The following PRKG2 variants were observed in gnomAD, a reference collection of about 807,000 sequenced individuals.
PRKG2 encodes protein kinase cGMP-dependent 2.
A neutral mutation model predicts 97.2 loss-of-function variants in PRKG2; 33 were observed. The ratio of observed to expected loss-of-function variants is 0.34; its 90% CI spans 0.26 to 0.45. The LOEUF is 0.45. Ranked by LOEUF, PRKG2 falls within the 20% of genes least tolerant of loss-of-function variation. The pLI is 1.00. For missense variants in PRKG2, 638 were observed against 900.0 expected (o/e 0.71, Z 3.73); for synonymous variants, 330 against 321.8 (o/e 1.03, Z -0.27).
In PRKG2 at chr4:81,094,257, C is replaced by T. The variant is rs563026821; in HGVS notation, c.2127-1805G>A. Among the ~76,000 whole-genome samples, 22 of 151,880 alleles carry T rather than the reference C, an allele frequency of 1.4e-4. 1 individual carries two copies. Among genetic ancestry groups the T allele is most frequent in the African/African-American group, 5.3e-4 (22 of 41,416 alleles). ...CATACAAGATACCAGAGCTCTGTAG[C>T]TATTTTTGGGAAAGATTATTTAATA... On this transcript the variant is annotated intron_variant, in intron 17 of 18. Transcript: ENST00000264399.
intron 2 of PRKG2, among the ~76,000 whole-genome samples, chr4:81,187,478 G>C (rs1578494145): frequency 6.6e-6 from 1 of 152,034 alleles, no homozygotes. Flanking sequence ...AGAATAATAA[G>C]AGCTATTTAT....
chr4:81,102,778 A>T (rs1178491281), intron 17 of PRKG2, among the ~76,000 whole-genome samples: 1 of 152,096 alleles, frequency 6.6e-6, no homozygotes, highest in African/African-American at 2.4e-5. Context: ...TGGCAGGTTG[A>T]TTTTTTGTTT....
Position 81,152,048 on chromosome 4 carries a change from C to G in PRKG2, c.997G>C (p.Val333Leu). 4 of 1,608,212 alleles carry G rather than the reference C, an allele frequency of 2.5e-6. No homozygotes were observed. The highest frequency in any genetic ancestry group is 2.6e-6 in the Non-Finnish European group (3 of 1,176,268). ...TCATGGCCTTCTGTGCTCTGTGTTA[C>G]TTTTACCTAAACAATGTTAAGCAAT... ...FFILAKGKVKVTQSTEGHDQP... is the reference protein window; with the variant it reads ...FFILAKGKVKLTQSTEGHDQP... The change falls in exon 8 of 19, where the codon GTA becomes CTA. Residue 333 changes from valine to leucine, a missense_variant. This residue lies in a region of PRKG2 where 332 missense variants were observed against 421.7 expected (regional missense o/e 0.79). Coordinates refer to ENST00000264399, the MANE Select transcript of PRKG2 (RefSeq NM_006259.3).
intron 14 of PRKG2, among the ~76,000 whole-genome samples, chr4:81,123,158 A>G (rs1745226032): frequency 6.6e-6 from 1 of 152,254 alleles, no homozygotes; most frequent in South Asian, 2.1e-4. Flanking sequence ...CCTGAGGAAC[A>G]TATATTAAAA....
In PRKG2 at chr4:81,112,109, CT is replaced by C. The variant is rs574656935; in HGVS notation, c.1777-1499del. Reference sequence around the variant, plus strand: ...ATCTTAATTTACCTTAAATAAACCCCTTAGAAATTTACCATTTTACTGATTG... The same window carrying C: ...ATCTTAATTTACCTTAAATAAACCCCTAGAAATTTACCATTTTACTGATTG... On this transcript the variant is annotated intron_variant, in intron 14 of 18. Coordinates refer to ENST00000264399, the MANE Select transcript of PRKG2 (RefSeq NM_006259.3). Among the ~76,000 whole-genome samples, 235 of 152,234 alleles carry C rather than the reference CT, an allele frequency of 1.5e-3. 2 individuals carry two copies. The highest frequency in any genetic ancestry group is 5.0e-3 in the African/African-American group (206 of 41,538).
At chr4:81,118,853 G>A (rs6847955) in intron 14 of PRKG2, among the ~76,000 whole-genome samples, 14,250 of 152,210 alleles carry the variant, frequency 0.094, 790 homozygotes, top group Middle Eastern at 0.2. Flanking sequence ...GGAGTGCAGT[G>A]GCATGATCTC....
intron 2 of PRKG2, among the ~76,000 whole-genome samples, chr4:81,195,917 G>T (rs563286840): frequency 6.6e-6 from 1 of 152,274 alleles, no homozygotes; most frequent in African/African-American, 2.4e-5. Flanking sequence ...GAAGCAAAAG[G>T]CTTGGTGAAT....
chr4:81,167,036 G>C, intron 6 of PRKG2, 125 bp downstream of exon 6: 1 of 668,754 alleles, frequency 1.5e-6, no homozygotes, highest in Non-Finnish European at 2.4e-6. Context: ...TTTCACCATA[G>C]AAAAAGGCTC....
At chr4:81,129,451 T>A (rs1745937763) in intron 14 of PRKG2, among the ~76,000 whole-genome samples, 1 of 152,148 alleles carries the variant, frequency 6.6e-6, no homozygotes, top group Non-Finnish European at 1.5e-5. Flanking sequence ...TCTCCCACTA[T>A]TATTGTGTAG....
intron 1 of PRKG2, among the ~76,000 whole-genome samples, chr4:81,210,548 A>C (rs1753915018): frequency 1.3e-5 from 2 of 152,166 alleles, no homozygotes; most frequent in Non-Finnish European, 2.9e-5. Flanking sequence ...GACACTGACA[A>C]CACCAAATGC....
intron 6 of PRKG2, among the ~76,000 whole-genome samples, chr4:81,163,037 G>A (rs2110074044): frequency 6.6e-6 from 1 of 152,210 alleles, no homozygotes; most frequent in Middle Eastern, 3.4e-3. Context: ...GCTTGAAAGG[G>A]GATACTGAGG....
At chr4:81,143,234 T>A (rs1049031550) in intron 10 of PRKG2, among the ~76,000 whole-genome samples, 1 of 152,200 alleles carries the variant, frequency 6.6e-6, no homozygotes, top group African/African-American at 2.4e-5. Context: ...ACTTAAAATG[T>A]ACCTCTTAGG....
At chr4:81,171,649 T>A in intron 4 of PRKG2, 42 bp downstream of exon 4, 1 of 1,485,064 alleles carries the variant, frequency 6.7e-7, no homozygotes, top group Non-Finnish European at 9.3e-7. Context: ...ATCTTTAACA[T>A]GCCACAACAA....
intron 6 of PRKG2, among the ~76,000 whole-genome samples, chr4:81,163,506 A>C (rs1749740467): frequency 6.6e-6 from 1 of 152,166 alleles, no homozygotes; most frequent in African/African-American, 2.4e-5. Flanking sequence ...TTTATACAAA[A>C]TTGAAACATT....
At chr4:81,155,189 A>AAAAAAAAAAAAAAG (rs1334427898) in intron 6 of PRKG2, among the ~76,000 whole-genome samples, 46 of 148,340 alleles carry the variant, frequency 3.1e-4, no homozygotes, top group African/African-American at 1.2e-3. Context: ...AAAAAAAAAA[A>AAAAAAAAAAAAAAG]AAGAAGAATG....
chr4:81,107,975 C>T (rs770380742), intron 15 of PRKG2, among the ~76,000 whole-genome samples: 2 of 151,876 alleles, frequency 1.3e-5, no homozygotes, highest in Non-Finnish European at 2.9e-5. Context: ...GAGAATGAGG[C>T]GGGAAGATTA....
intron 6 of PRKG2, among the ~76,000 whole-genome samples, chr4:81,160,299 T>C (rs1168941434): frequency 2.0e-5 from 3 of 152,142 alleles, no homozygotes; most frequent in Non-Finnish European, 4.4e-5. Flanking sequence ...AGTCATAAAC[T>C]GTAGAAAAGT....
At chr4:81,140,376 A>G (rs1578407904) in intron 12 of PRKG2, among the ~76,000 whole-genome samples, 157 bp downstream of exon 12, 1 of 152,226 alleles carries the variant, frequency 6.6e-6, no homozygotes, top group East Asian at 1.9e-4. Context: ...GTAATTATGC[A>G]TTGCATGCCT....
intron 17 of PRKG2, among the ~76,000 whole-genome samples, chr4:81,096,871 C>T (rs536935820): frequency 2.6e-5 from 4 of 152,266 alleles, no homozygotes; most frequent in South Asian, 2.1e-4. Flanking sequence ...CATTTATGAG[C>T]GTTAGGATCA....
Sources: gnomAD v4.1 joint callset for allele counts (sites outside exome capture counted in the v4.1 genomes callset) on GRCh38, gnomAD v4.1.1 for gene constraint, gnomAD v4.1.1 regional missense constraint, MANE v1.5 for transcripts, NCBI Gene and HGNC (gene_info 2026-07-23, HGNC 2026-07-21) for gene names.